Variants in EPHA2 observed in about 807,000 individuals in gnomAD.
EPHA2 encodes ephrin type-A receptor 2.
EPHA2 carries 54 observed loss-of-function variants against 104.9 expected under a neutral mutation model. The ratio of observed to expected loss-of-function variants is 0.51; its 90% CI spans 0.41 to 0.65. The LOEUF is 0.65. EPHA2 is among the 30% of genes least tolerant of loss of function. The probability of loss-of-function intolerance (pLI) is 0.00; values close to 1 mark genes in which losing one functional copy is unlikely to be tolerated. For synonymous variants in EPHA2, 560 were observed against 559.1 expected, an observed-to-expected ratio of 1.00 and a Z score of -0.02; for missense variants, 1,117 against 1,369.5, an observed-to-expected ratio of 0.82 and a Z score of 2.91.
chr1:16,147,996 C>T (rs909926288), intron 3 of EPHA2, among the ~76,000 whole-genome samples: 2 of 152,002 alleles, frequency 1.3e-5, no homozygotes, highest in Admixed American at 1.3e-4. Context: ...GTGCTTCAGC[C>T]TCCCAAGTAG....
chr1:16,142,073 A>G (rs1276618900), intron 3 of EPHA2, among the ~76,000 whole-genome samples: 2 of 152,090 alleles, frequency 1.3e-5, no homozygotes, highest in African/African-American at 4.8e-5. Flanking sequence ...CACACACTCA[A>G]ACACACCCAC....
chr1:16,131,951 C>T lies in EPHA2; in HGVS notation c.2326-81G>A, dbSNP rs1251660255. ...TTGCAGCCAAGCCCCACGACCCCTC[C>T]CTGGACTCCTACAGGTGTTCTGCCT... On this transcript the variant is annotated intron_variant, in intron 13 of 16. Coordinates refer to ENST00000358432, the MANE Select transcript of EPHA2 (RefSeq NM_004431.5). The surrounding 1 kb of genome is among the most constrained non-coding windows in gnomAD (Gnocchi z 5.2). 1 of 1,599,962 alleles carries T rather than the reference C, an allele frequency of 6.3e-7. No homozygotes were observed. Among genetic ancestry groups the T allele is most frequent in the African/African-American group, 1.3e-5 (1 of 74,602 alleles).
Position 16,132,452 on chromosome 1 carries a change from G to A in EPHA2, c.2054-13C>T, listed in dbSNP as rs1042053606. On this transcript the variant is annotated splice_polypyrimidine_tract_variant and intron_variant, in intron 11 of 16. Transcript: ENST00000358432. ...ATCATGGGCTTGTCTGTAGGGGGGTGGGCACAGGTGAGAGGTAAGTGGGCC... is the reference window on the plus strand; with the variant it reads ...ATCATGGGCTTGTCTGTAGGGGGGTAGGCACAGGTGAGAGGTAAGTGGGCC... The A allele has an allele frequency of 1.9e-6, 3 of 1,613,514 alleles. No homozygotes were observed. The South Asian group carries it at 3.3e-5, about 18-fold the overall frequency.
Position 16,133,237 on chromosome 1 carries a change from T to C in EPHA2, c.1996A>G (p.Ile666Val). Residue 666 changes from isoleucine (I) to valine (V), a missense_variant, in exon 11 of 17, where the codon ATC (isoleucine) becomes GTC (valine). Physicochemically the swap from Ile to Val is conservative, Grantham distance 29. Coordinates refer to ENST00000358432, the MANE Select transcript of EPHA2 (RefSeq NM_004431.5). ...TTGTGGTGGCTGAACTGGCCCATGA[T>C]GCCGGCCTCGCCGAGGAAGTCCACT... is the stretch of plus-strand genomic sequence containing the variant. ...QRVDFLGEAGIMGQFSHHNII... is the reference protein window; with the variant it reads ...QRVDFLGEAGVMGQFSHHNII... 6.2e-7 allele frequency: 1 copy of C among 1,613,842 alleles called. No individual in the cohort carries two copies. Among genetic ancestry groups the C allele is most frequent in the Non-Finnish European group, 8.5e-7 (1 of 1,179,906 alleles).
At chr1:16,140,209 G>T (rs140171302) in intron 3 of EPHA2, among the ~76,000 whole-genome samples, 1 of 152,144 alleles carries the variant, frequency 6.6e-6, no homozygotes, top group Non-Finnish European at 1.5e-5. Flanking sequence ...CCCAACCCTG[G>T]CCCAGGGACC....
chr1:16,141,186 T>C (rs1337157776), intron 3 of EPHA2, among the ~76,000 whole-genome samples: 1 of 152,184 alleles, frequency 6.6e-6, no homozygotes, highest in Non-Finnish European at 1.5e-5. Context: ...GGTCTATGTG[T>C]TGTGGAGGAG....
At chr1:16,140,043 A>T (rs1042718247) in intron 3 of EPHA2, among the ~76,000 whole-genome samples, 1 of 151,978 alleles carries the variant, frequency 6.6e-6, no homozygotes, top group East Asian at 1.9e-4. Flanking sequence ...TGGAGCGAAG[A>T]CTCTCGTCAT....
At chr1:16,142,923 T>G (rs1368825259) in intron 3 of EPHA2, among the ~76,000 whole-genome samples, 6 of 125,666 alleles carry the variant, frequency 4.8e-5, no homozygotes, top group African/African-American at 1.6e-4. Flanking sequence ...GGTGGACGGA[T>G]GGATGAGTAG....
chr1:16,132,547 G>T, intron 11 of EPHA2, 108 bp from the exon 12 acceptor site: 2 of 1,249,082 alleles, frequency 1.6e-6, no homozygotes, highest in Non-Finnish European at 2.3e-6. Flanking sequence ...GTGGGCACAG[G>T]TGTGGGGAGA....
chr1:16,130,203 T>C lies in EPHA2; in HGVS notation c.2669+23A>G. 6.2e-7 allele frequency: 1 copy of C among 1,613,998 alleles called. No homozygotes were observed. Among genetic ancestry groups the C allele is most frequent in the Non-Finnish European group, 8.5e-7 (1 of 1,179,920 alleles). ...TGCAGAAGGAAAATTGAGGTCATCA[T>C]GGGCAGAGGGCATAGAACTCACCGG... is the stretch of plus-strand genomic sequence containing the variant. On this transcript the variant is annotated intron_variant, in intron 15 of 16. Transcript: ENST00000358432. This position sits in a 1 kb window ranked among gnomAD's most constrained non-coding sequence, Gnocchi z 4.5.
rs2024630377 is a variant in EPHA2 at position 16,133,897 on chromosome 1, G to A, written c.1701C>T (p.Ala567=). Residue 567 remains alanine (A), a synonymous_variant, in exon 9 of 17, where the codon GCC becomes GCT. Coordinates refer to ENST00000358432, the MANE Select transcript of EPHA2 (RefSeq NM_004431.5). ...FIHRRRKNQR[A]RQSPEDVYFS... Reference sequence around the variant, plus strand: ...AGTAAACGTCCTCCGGGGACTGGCGGGCACGCTGGTTCTTCCTCCTGAAAG... The same window carrying A: ...AGTAAACGTCCTCCGGGGACTGGCGAGCACGCTGGTTCTTCCTCCTGAAAG... The A allele has an allele frequency of 6.4e-7, 1 of 1,550,768 alleles. No individual in the cohort carries two copies. The highest frequency in any genetic ancestry group is 8.7e-7 in the Non-Finnish European group (1 of 1,146,492).
At chr1:16,149,753 G>T (rs552718849) in intron 2 of EPHA2, among the ~76,000 whole-genome samples, 1 of 152,208 alleles carries the variant, frequency 6.6e-6, no homozygotes, top group Non-Finnish European at 1.5e-5. Flanking sequence ...AAGTGCACTT[G>T]GCACGGCACA....
intron 15 of EPHA2, among the ~76,000 whole-genome samples, chr1:16,129,850 C>T (rs189520683): frequency 3.9e-5 from 6 of 152,186 alleles, no homozygotes; most frequent in South Asian, 2.1e-4. Context: ...TAAAATGCTA[C>T]GAGCAGAGAT....
intron 15 of EPHA2, 97 bp from the exon 16 acceptor site, chr1:16,129,686 C>T: frequency 1.4e-6 from 2 of 1,446,632 alleles, no homozygotes; most frequent in Non-Finnish European, 1.8e-6. Context: ...GACTCGGCTG[C>T]CCCGTGCCTC....
intron 12 of EPHA2, 21 bp downstream of exon 12, chr1:16,132,357 C>G (rs750451596): frequency 6.2e-7 from 1 of 1,614,172 alleles, no homozygotes; most frequent in South Asian, 1.1e-5. Context: ...CATCCCCGCC[C>G]CCTACAACCC....
In EPHA2 at chr1:16,130,191, T is replaced by C. The variant is rs756151097; in HGVS notation, c.2669+35A>G. 13 of 1,613,434 alleles carry C rather than the reference T, an allele frequency of 8.1e-6. No homozygotes were observed. In the South Asian group the frequency reaches 9.9e-5, roughly 12 times the overall value. ...GGTTCAAGAGTCTGCAGAAGGAAAA[T>C]TGAGGTCATCATGGGCAGAGGGCAT... On this transcript the variant is annotated intron_variant, in intron 15 of 16. Coordinates refer to ENST00000358432, the MANE Select transcript of EPHA2 (RefSeq NM_004431.5). This position sits in a 1 kb window ranked among gnomAD's most constrained non-coding sequence, Gnocchi z 4.5.
chr1:16,150,987 G>T lies in EPHA2; in HGVS notation c.86-24C>A. 1 of 1,613,502 alleles carries T rather than the reference G, an allele frequency of 6.2e-7. No individual in the cohort carries two copies. The highest frequency in any genetic ancestry group is 8.5e-7 in the Non-Finnish European group (1 of 1,179,598). ...CACTGAAAGGGAGAAGGGAGAGGGG[G>T]TGAGCCTGGGGGTGTCTTCAGGAGT... is the stretch of plus-strand genomic sequence containing the variant. On this transcript the variant is annotated intron_variant, in intron 1 of 16. Transcript: ENST00000358432. The surrounding 1 kb of genome is among the most constrained non-coding windows in gnomAD (Gnocchi z 4.8).
At chr1:16,132,714 G>C (rs1218923685) in intron 11 of EPHA2, among the ~76,000 whole-genome samples, 2 of 149,596 alleles carry the variant, frequency 1.3e-5, no homozygotes. Flanking sequence ...CAGGTGTAGA[G>C]GAGGTGGGTA....
intron 1 of EPHA2, among the ~76,000 whole-genome samples, chr1:16,153,666 C>T (rs764922758): frequency 6.6e-6 from 1 of 152,204 alleles, no homozygotes; most frequent in Non-Finnish European, 1.5e-5. Context: ...CTCAGTTTCC[C>T]CATTTGTAAA....
Sources: gnomAD v4.1 joint callset for allele counts (sites outside exome capture counted in the v4.1 genomes callset) on GRCh38, gnomAD v4.1.1 for gene constraint, Gnocchi (gnomAD v3.1) non-coding constraint, MANE v1.5 for transcripts, NCBI Gene and HGNC (gene_info 2026-07-23, HGNC 2026-07-21) for gene names.